The following ZNF682 variants were observed in gnomAD, a reference collection of about 807,000 sequenced individuals.
ZNF682 encodes the protein zinc finger protein 682.
ZNF682 carries 29 observed loss-of-function variants against 36.5 expected under a neutral mutation model. The ratio of observed to expected loss-of-function variants is 0.80; its 90% CI spans 0.59 to 1.08. The LOEUF is 1.08. Among genes scored for constraint, ZNF682 ranks in the 50% least tolerant of loss-of-function variants. The pLI is 0.00. For missense variants in ZNF682, 561 were observed against 579.7 expected, an observed-to-expected ratio of 0.97 and a Z score of 0.33; for synonymous variants, 180 against 197.0, an observed-to-expected ratio of 0.91 and a Z score of 0.72.
At chr19:20,011,659 A>G (rs1188608585) in intron 3 of ZNF682, among the ~76,000 whole-genome samples, 1 of 152,240 alleles carries the variant, frequency 6.6e-6, no homozygotes, top group Non-Finnish European at 1.5e-5. Flanking sequence ...CTACACAAAT[A>G]TAGAAAATTA....
At chr19:20,036,801 T>C (rs1258661731) in intron 1 of ZNF682, among the ~76,000 whole-genome samples, 5 of 69,048 alleles carry the variant, frequency 7.2e-5, no homozygotes, top group African/African-American at 3.3e-4. Context: ...ATGCTGTCTC[T>C]ATAAAAAAAA....
At chr19:20,014,110 G>T (rs2088313658) in intron 3 of ZNF682, among the ~76,000 whole-genome samples, 1 of 151,970 alleles carries the variant, frequency 6.6e-6, no homozygotes, top group South Asian at 2.1e-4. Context: ...TTCATTTTTT[G>T]CAGGAATAAA....
intron 3 of ZNF682, among the ~76,000 whole-genome samples, chr19:20,012,774 A>G (rs2088302006): frequency 6.6e-6 from 1 of 151,248 alleles, no homozygotes; most frequent in Non-Finnish European, 1.5e-5. Context: ...TCTCAAAAAA[A>G]AAAAAAAAAA....
At chr19:20,023,683 C>T (rs1402854402) in intron 2 of ZNF682, among the ~76,000 whole-genome samples, 1 of 122,802 alleles carries the variant, frequency 8.1e-6, no homozygotes, top group Non-Finnish European at 1.7e-5. Context: ...AATGGAATTC[C>T]AAGAATTACC....
chr19:20,024,539 G>T, intron 1 of ZNF682, 163 bp from the exon 2 acceptor site: 1 of 849,800 alleles, frequency 1.2e-6, no homozygotes, highest in Non-Finnish European at 1.7e-6. Flanking sequence ...ACTGAGGAAA[G>T]AAAACAGAAT....
downstream of ZNF682, among the ~76,000 whole-genome samples, chr19:20,003,017 C>T (rs1043186165): frequency 2.0e-5 from 3 of 151,194 alleles, no homozygotes; most frequent in African/African-American, 7.3e-5. Context: ...GGTGAAACCC[C>T]GTCTCTACTA....
intron 3 of ZNF682, among the ~76,000 whole-genome samples, chr19:20,022,345 CCAAAACAAAA>C (rs56274466): frequency 6.7e-6 from 1 of 148,848 alleles, no homozygotes; most frequent in African/African-American, 2.5e-5. Flanking sequence ...AAACCCAAAA[CCAAAACAAAA>C]CAAAACAAAA....
rs867670858 is a variant in ZNF682 at position 20,036,804 on chromosome 19, A to T, written c.3+2539T>A. On this transcript the variant is annotated intron_variant, in intron 1 of 3. Transcript: ENST00000397165. ...GAACATGGTGAGATGCTGTCTCTAT[A>T]AAAAAAAAAGAAAAAAAAAAAAAAA... 9.6e-4 allele frequency among the ~76,000 whole-genome samples: 37 copies of T among 38,722 alleles called. No homozygotes were observed. The South Asian group carries it at 0.011, about 12-fold the overall frequency. The allele number at this position is 38,722 out of a possible 152,430, so 25.4% of individuals were successfully genotyped here. A position where few individuals can be genotyped will look rare whatever the true frequency, so the allele number is the denominator to read the frequency against.
At chr19:19,995,211 A>C (rs1225153258), downstream of ZNF682, among the ~76,000 whole-genome samples, 1 of 152,220 alleles carries the variant, frequency 6.6e-6, no homozygotes, top group Non-Finnish European at 1.5e-5. Flanking sequence ...AAATCAATAT[A>C]ATAAGCAGAT....
chr19:20,004,121 C>T (rs2088189610), downstream of ZNF682, among the ~76,000 whole-genome samples: 1 of 152,194 alleles, frequency 6.6e-6, no homozygotes. Context: ...ACATCTTCTA[C>T]ATACTCACTT....
At chr19:20,017,656 A>G in intron 3 of ZNF682, among the ~76,000 whole-genome samples, 1 of 152,200 alleles carries the variant, frequency 6.6e-6, no homozygotes, top group Non-Finnish European at 1.5e-5. Flanking sequence ...TAAAAAAACC[A>G]GATAGATCAA....
At chr19:19,995,615 C>T (rs1387275304), downstream of ZNF682, among the ~76,000 whole-genome samples, 1 of 151,968 alleles carries the variant, frequency 6.6e-6, no homozygotes, top group Non-Finnish European at 1.5e-5. Flanking sequence ...GACTTGGTGA[C>T]CATTGTTTGT....
chr19:20,006,384 T>C lies in ZNF682; in HGVS notation c.1118A>G (p.Lys373Arg), dbSNP rs759269930. The change falls in exon 4 of 4, where the codon AAA becomes AGA. Residue 373 changes from lysine to arginine, a missense_variant. Lys to Arg is a conservative substitution (Grantham distance 26, BLOSUM62 2). Transcript: ENST00000397165. ...HSGEKPYKCEKCDKVFKRFSY... is the reference protein window; with the variant it reads ...HSGEKPYKCERCDKVFKRFSY... The stretch of plus-strand genomic sequence containing the variant: ...GAACCTCTTAAAGACTTTGTCACAT[T>C]TTTCACATTTGTAGGGTTTCTCTCC... 1 of 1,613,268 alleles carries C rather than the reference T, an allele frequency of 6.2e-7. No individual in the cohort carries two copies. Among genetic ancestry groups the C allele is most frequent in the South Asian group, 1.1e-5 (1 of 91,036 alleles).
chr19:20,020,045 CT>C, intron 3 of ZNF682, among the ~76,000 whole-genome samples: 1 of 21,804 alleles, frequency 4.6e-5, no homozygotes, highest in Admixed American at 6.5e-4. Context: ...GACCCCTTCT[CT>C]TAAAAAAAAA....
intron 3 of ZNF682, among the ~76,000 whole-genome samples, chr19:20,016,716 T>TA (rs1332521025): frequency 6.6e-6 from 1 of 152,004 alleles, no homozygotes; most frequent in Non-Finnish European, 1.5e-5. Context: ...AGAATAAGGA[T>TA]AAAAAATAAA....
intron 1 of ZNF682, among the ~76,000 whole-genome samples, chr19:20,027,166 T>A (rs1247559759): frequency 6.6e-6 from 1 of 152,158 alleles, no homozygotes; most frequent in Non-Finnish European, 1.5e-5. Context: ...AACTTGAGCA[T>A]ACGCCTTTTA....
chr19:20,034,690 T>C (rs2878552), intron 1 of ZNF682, among the ~76,000 whole-genome samples: 118,221 of 150,646 alleles, frequency 0.78, 46,543 homozygotes, highest in Middle Eastern at 0.87. Flanking sequence ...GGAGAATCAC[T>C]TGAACCTGGG....
Position 20,039,366 on chromosome 19 carries a change from G to C in ZNF682, c.-21C>G, listed in dbSNP as rs2286922. On this transcript the variant is annotated 5_prime_UTR_variant, in exon 1 of 4. Transcript: ENST00000397165. ...ACCATTTTTCGGCTTCCGGGATGTC[G>C]TGGAGTCTTAGCTCTGGATCTCACA... is the stretch of plus-strand genomic sequence containing the variant. The C allele has an allele frequency of 0.8, 1,286,148 of 1,610,874 alleles. 515,768 individuals are homozygous for C. The highest frequency in any genetic ancestry group is 0.89 in the South Asian group (81,384 of 91,026).
At chr19:20,022,978 G>C in intron 3 of ZNF682, 26 bp downstream of exon 3, 1 of 1,590,682 alleles carries the variant, frequency 6.3e-7, no homozygotes. Flanking sequence ...TTCACCTGTG[G>C]CATGTGTTTC....
Sources: gnomAD v4.1 joint callset for allele counts (sites outside exome capture counted in the v4.1 genomes callset) on GRCh38, gnomAD v4.1.1 for gene constraint, MANE v1.5 for transcripts, NCBI Gene and HGNC (gene_info 2026-07-23, HGNC 2026-07-21) for gene names.